SIK3: variants seen among roughly 807,000 people sequenced by gnomAD.
The protein encoded by SIK3 is serine/threonine-protein kinase SIK3.
Under a neutral mutation model 144.2 loss-of-function variants are expected in SIK3, and 28 were observed. That is an observed-to-expected ratio of 0.19 (90% CI 0.14 to 0.27). SIK3 has a LOEUF of 0.27. Among genes scored for constraint, SIK3 ranks in the 10% least tolerant of loss-of-function variants. SIK3 has a pLI of 1.00. For synonymous variants in SIK3, 686 were observed against 676.3 expected (o/e 1.01, Z -0.22); for missense variants, 1,319 against 1,776.0 (o/e 0.74, Z 4.62).
chr11:116,931,672 C>G (rs1300677268), intron 3 of SIK3, among the ~76,000 whole-genome samples: 1 of 152,224 alleles, frequency 6.6e-6, no homozygotes, highest in Non-Finnish European at 1.5e-5. Flanking sequence ...GAAAAAACTT[C>G]TGCCAATTCC....
At chr11:117,052,472 G>A (rs1168367454) in intron 1 of SIK3, among the ~76,000 whole-genome samples, 4 of 152,142 alleles carry the variant, frequency 2.6e-5, no homozygotes, top group Non-Finnish European at 5.9e-5. Flanking sequence ...TCTATAAAGA[G>A]TCTATCTCCG....
At chr11:116,982,306 T>C (rs976633259) in intron 1 of SIK3, among the ~76,000 whole-genome samples, 8 of 151,592 alleles carry the variant, frequency 5.3e-5, no homozygotes, top group African/African-American at 7.3e-5. Context: ...TTTTTTTTTT[T>C]CAGACGGAGT....
chr11:117,027,591 T>C (rs1952070438), intron 1 of SIK3, among the ~76,000 whole-genome samples: 2 of 151,952 alleles, frequency 1.3e-5, no homozygotes, highest in South Asian at 2.1e-4. Context: ...GCCTCCCGAG[T>C]AGCTGGGATT....
chr11:116,858,654 A>G lies in SIK3; in HGVS notation c.2811T>C (p.His937=). 6.3e-7 allele frequency: 1 copy of G among 1,579,546 alleles called. No individual in the cohort carries two copies. Among genetic ancestry groups the G allele is most frequent in the Non-Finnish European group, 8.6e-7 (1 of 1,162,426 alleles). ...GGTCCGAAAACAGATGGGGGTGTAA[A>G]TGCGCCTGGTCGTAGTTAGCAGGGG... is the stretch of plus-strand genomic sequence containing the variant. ...RFSPANYDQA[H]LHPHLFSDQS... The change falls in exon 21 of 25, where the codon CAT becomes CAC. Residue 937 remains histidine (H), a synonymous_variant. Coordinates refer to ENST00000445177, the MANE Select transcript of SIK3 (RefSeq NM_001366686.3). The surrounding 1 kb of genome is among the most constrained non-coding windows in gnomAD (Gnocchi z 5.4).
intron 4 of SIK3, among the ~76,000 whole-genome samples, chr11:116,902,679 A>C (rs1295788290): frequency 6.6e-6 from 1 of 152,232 alleles, no homozygotes; most frequent in African/African-American, 2.4e-5. Flanking sequence ...ATTATGCACC[A>C]AACAAAATCC....
intron 1 of SIK3, among the ~76,000 whole-genome samples, chr11:117,069,187 G>C (rs1164500775): frequency 1.9e-5 from 1 of 53,820 alleles, no homozygotes; most frequent in East Asian, 3.7e-4. Context: ...TTTTTTTTGG[G>C]GGGGGGGGGG....
chr11:116,893,771 G>C (rs970128157), intron 6 of SIK3: 8 of 152,866 alleles, frequency 5.2e-5, no homozygotes, highest in Admixed American at 3.3e-4. Flanking sequence ...AAAGACTAAG[G>C]ATATGCAGTT....
At chr11:117,073,827 A>C (rs143267505) in intron 1 of SIK3, among the ~76,000 whole-genome samples, 1 of 152,348 alleles carries the variant, frequency 6.6e-6, no homozygotes, top group East Asian at 1.9e-4. Context: ...CTAACATTAC[A>C]GTTATCTCCT....
chr11:117,039,935 G>C (rs548464384), intron 1 of SIK3, among the ~76,000 whole-genome samples: 12 of 152,138 alleles, frequency 7.9e-5, no homozygotes, highest in Non-Finnish European at 1.5e-4. Context: ...GATAGCAGCA[G>C]GTTCTAGTGT....
chr11:117,068,814 T>G (rs1954133211), intron 1 of SIK3, among the ~76,000 whole-genome samples: 1 of 152,250 alleles, frequency 6.6e-6, no homozygotes, highest in African/African-American at 2.4e-5. Context: ...TAGAATTTCT[T>G]ATGTTTGGCC....
chr11:116,929,209 C>A (rs532219257), intron 3 of SIK3, among the ~76,000 whole-genome samples: 1 of 152,252 alleles, frequency 6.6e-6, no homozygotes, highest in South Asian at 2.1e-4. Flanking sequence ...TTCTCTTAAC[C>A]CAAGGCCTAA....
chr11:116,942,781 G>A (rs1241337049), intron 3 of SIK3, among the ~76,000 whole-genome samples: 1 of 152,198 alleles, frequency 6.6e-6, no homozygotes, highest in Non-Finnish European at 1.5e-5. Context: ...AGGAGCTGTG[G>A]TGAGAGACAG....
intron 3 of SIK3, among the ~76,000 whole-genome samples, chr11:116,938,127 C>T (rs1052159496): frequency 7.1e-6 from 1 of 139,962 alleles, no homozygotes; most frequent in South Asian, 2.3e-4. Context: ...ATCACTTGAA[C>T]CTGGGAGGCG....
chr11:116,980,131 C>T (rs1166057428), intron 1 of SIK3, among the ~76,000 whole-genome samples: 2 of 152,142 alleles, frequency 1.3e-5, no homozygotes, highest in South Asian at 2.1e-4. Flanking sequence ...CTTATAAACC[C>T]ATCATAAGTT....
At chr11:116,904,936 C>T (rs1945947965) in intron 4 of SIK3, 1 of 167,118 alleles carries the variant, frequency 6.0e-6, no homozygotes, top group South Asian at 2.1e-4. Flanking sequence ...GTGTAATGCC[C>T]AGCGGCTTTT....
At chr11:116,854,961 C>A (rs1942759808) in intron 21 of SIK3, among the ~76,000 whole-genome samples, 1 of 151,554 alleles carries the variant, frequency 6.6e-6, no homozygotes, top group Non-Finnish European at 1.5e-5. Flanking sequence ...TAGTGCACAC[C>A]TGTAATCCTA....
chr11:116,906,298 C>CAG (rs1249954691), intron 4 of SIK3, among the ~76,000 whole-genome samples: 2 of 151,892 alleles, frequency 1.3e-5, no homozygotes, highest in Non-Finnish European at 2.9e-5. Flanking sequence ...TGGCCCTGAG[C>CAG]AGATGACAGA....
intron 1 of SIK3, among the ~76,000 whole-genome samples, chr11:116,981,763 A>T (rs1186909746): frequency 6.6e-6 from 1 of 152,210 alleles, no homozygotes; most frequent in Non-Finnish European, 1.5e-5. Flanking sequence ...CTATAATCCC[A>T]GCACTTTGGG....
intron 1 of SIK3, among the ~76,000 whole-genome samples, chr11:116,971,836 C>T (rs1181623638): frequency 8.5e-5 from 13 of 152,048 alleles, no homozygotes; most frequent in Admixed American, 8.5e-4. Context: ...CGCCTGTAAT[C>T]CCAGCACTTT....
Sources: gnomAD v4.1 joint callset for allele counts (sites outside exome capture counted in the v4.1 genomes callset) on GRCh38, gnomAD v4.1.1 for gene constraint, Gnocchi (gnomAD v3.1) non-coding constraint, MANE v1.5 for transcripts, NCBI Gene and HGNC (gene_info 2026-07-23, HGNC 2026-07-21) for gene names.